The following ZBTB46 variants were observed in gnomAD, a reference collection of about 807,000 sequenced individuals.
ZBTB46 encodes zinc finger and BTB domain-containing protein 46.
A neutral mutation model predicts 44.1 loss-of-function variants in ZBTB46; 8 were observed. That is an observed-to-expected ratio of 0.18 (90% CI 0.11 to 0.33). ZBTB46 has a LOEUF of 0.33. Among genes scored for constraint, ZBTB46 ranks in the 10% least tolerant of loss-of-function variants. The pLI is 1.00. For synonymous variants in ZBTB46, 409 were observed against 382.3 expected, an observed-to-expected ratio of 1.07 and a Z score of -0.81; for missense variants, 651 against 847.7, an observed-to-expected ratio of 0.77 and a Z score of 2.88.
At chr20:63,777,108 C>T (rs927460646) in intron 2 of ZBTB46, among the ~76,000 whole-genome samples, 2 of 53,326 alleles carry the variant, frequency 3.8e-5, no homozygotes, top group Non-Finnish European at 9.2e-5. Flanking sequence ...CCAGCACACG[C>T]CACGGTTCCA....
intron 3 of ZBTB46, among the ~76,000 whole-genome samples, chr20:63,758,945 A>G (rs985978865): frequency 6.6e-6 from 1 of 152,066 alleles, no homozygotes; most frequent in Non-Finnish European, 1.5e-5. Context: ...GTTAGCCAGG[A>G]TGGTCTCAAA....
rs936684133 is a variant in ZBTB46 at position 63,787,348 on chromosome 20, G to A, written c.937+2473C>T. Among the ~76,000 whole-genome samples the A allele has an allele frequency of 2.0e-5, 3 of 152,182 alleles. No homozygotes were observed. The highest frequency in any genetic ancestry group is 4.4e-5 in the Non-Finnish European group (3 of 68,026). On this transcript the variant is annotated intron_variant, in intron 2 of 4. Transcript: ENST00000245663. This position sits in a 1 kb window ranked among gnomAD's most constrained non-coding sequence, Gnocchi z 4.6. The stretch of plus-strand genomic sequence containing the variant: ...AAAAAATCAGTTTAGTGTAGGCCAC[G>A]CCAAGTGTTTATAAAGTCTGCAGCA...
rs369078414 is a variant in ZBTB46 at position 63,790,169 on chromosome 20, C to T, written c.589G>A (p.Gly197Arg). The change falls in exon 2 of 5, where the codon GGG (glycine) becomes AGG (arginine). Residue 197 changes from glycine to arginine, a missense_variant. By Grantham distance (125) the Gly-to-Arg change is moderately radical. Around this residue, in one of 5 missense-constraint regions of ZBTB46, gnomAD observed 385 missense variants for 423.3 expected, o/e 0.91. Transcript: ENST00000245663. ...GCCTTGGGCTCCTGATCCTCTTTCC[C>T]GTAGCTGCTCCCTCCGTCGTGACAG... The part of the protein sequence containing the change: ...ASCHDGGSSY[G>R]KEDQEPKADG... 9 of 1,613,868 alleles carry T rather than the reference C, an allele frequency of 5.6e-6. No individual in the cohort carries two copies. The highest frequency in any genetic ancestry group is 1.1e-5 in the South Asian group (1 of 91,078).
chr20:63,785,547 C>T (rs773994196), intron 2 of ZBTB46, among the ~76,000 whole-genome samples: 12 of 152,072 alleles, frequency 7.9e-5, no homozygotes, highest in Non-Finnish European at 8.8e-5. Context: ...GTGACAGTGA[C>T]GCTCTGTCTC....
chr20:63,800,568 G>A (rs1165393090), intron 1 of ZBTB46, among the ~76,000 whole-genome samples: 1 of 152,250 alleles, frequency 6.6e-6, no homozygotes, highest in Non-Finnish European at 1.5e-5. Context: ...TGGAGGGAGA[G>A]GCGTGGGCGG....
chr20:63,783,773 A>G (rs951256486), intron 2 of ZBTB46, among the ~76,000 whole-genome samples: 1 of 152,214 alleles, frequency 6.6e-6, no homozygotes, highest in African/African-American at 2.4e-5. Flanking sequence ...ACTACTGACC[A>G]AAGCACATGA....
At chr20:63,756,074 G>A (rs1013347669) in intron 3 of ZBTB46, among the ~76,000 whole-genome samples, 2 of 152,230 alleles carry the variant, frequency 1.3e-5, no homozygotes, top group Non-Finnish European at 2.9e-5. Flanking sequence ...GTGCCGGACT[G>A]GAGGCCTCCC....
chr20:63,774,906 T>C lies in ZBTB46; in HGVS notation c.1222+772A>G, dbSNP rs1364439469. ...TTTTAGTAGAGACGGGGTTTCACCG[T>C]GTTGGCCAAGATGGTCTCGATCTCC... is the stretch of plus-strand genomic sequence containing the variant. On this transcript the variant is annotated intron_variant, in intron 3 of 4. Transcript: ENST00000245663. 2.0e-5 allele frequency among the ~76,000 whole-genome samples: 3 copies of C among 152,000 alleles called. No individual in the cohort carries two copies. In the East Asian group the frequency reaches 5.8e-4, roughly 29 times the overall value.
intron 1 of ZBTB46, among the ~76,000 whole-genome samples, chr20:63,812,523 T>G (rs1351290052): frequency 6.6e-6 from 1 of 152,106 alleles, no homozygotes; most frequent in East Asian, 1.9e-4. Flanking sequence ...GCGCCTATAA[T>G]CCCAGTGCTT....
chr20:63,795,472 C>A (rs986563075), intron 1 of ZBTB46, among the ~76,000 whole-genome samples: 1 of 152,268 alleles, frequency 6.6e-6, no homozygotes, highest in Non-Finnish European at 1.5e-5. Flanking sequence ...TCCTGCCAGG[C>A]AGGCAATGCG....
rs397952569 is a variant in ZBTB46, at chr20:63,820,443, A to AT, written c.-34+10653dup. Among the ~76,000 whole-genome samples, 767 of 144,900 alleles carry AT rather than the reference A, an allele frequency of 5.3e-3. 6 individuals carry two copies. Among genetic ancestry groups the AT allele is most frequent in the African/African-American group, 0.018 (720 of 39,572 alleles). On this transcript the variant is annotated intron_variant, in intron 1 of 4. Coordinates refer to ENST00000245663, the MANE Select transcript of ZBTB46 (RefSeq NM_001369741.1). ...TTTAAGAAGTATATTATATATATAT[A>AT]TTTTTTTTTTGAGACAGAGTTTTGC...
chr20:63,809,527 G>C (rs992657532), intron 1 of ZBTB46, among the ~76,000 whole-genome samples: 1 of 152,164 alleles, frequency 6.6e-6, no homozygotes, highest in Non-Finnish European at 1.5e-5. Context: ...GGAGACAGCA[G>C]GAGCTCCGCG....
At chr20:63,830,372 C>T (rs1052121321) in intron 1 of ZBTB46, among the ~76,000 whole-genome samples, 15 of 151,684 alleles carry the variant, frequency 9.9e-5, no homozygotes, top group African/African-American at 2.4e-5. Flanking sequence ...CGCAGCGGAC[C>T]CCGCTTCCTC....
chr20:63,763,898 G>A (rs767092507), intron 3 of ZBTB46, among the ~76,000 whole-genome samples: 4 of 152,004 alleles, frequency 2.6e-5, no homozygotes, highest in Admixed American at 1.3e-4. Flanking sequence ...AATTATAATT[G>A]TTGCTTTAAA....
chr20:63,825,906 C>T (rs555025382), intron 1 of ZBTB46, among the ~76,000 whole-genome samples: 11 of 152,354 alleles, frequency 7.2e-5, no homozygotes, highest in Middle Eastern at 3.4e-3. Context: ...TCTGTCCATC[C>T]GGCGGGTGAC....
At chr20:63,795,873 G>A (rs1390676191) in intron 1 of ZBTB46, among the ~76,000 whole-genome samples, 1 of 152,240 alleles carries the variant, frequency 6.6e-6, no homozygotes. Context: ...TCTTGGAAGT[G>A]GCGGTGCCCA....
intron 1 of ZBTB46, among the ~76,000 whole-genome samples, chr20:63,823,370 C>T (rs1438636484): frequency 4.0e-5 from 6 of 151,536 alleles, no homozygotes; most frequent in Non-Finnish European, 7.4e-5. Context: ...TGGTGGCACA[C>T]GCCTATAATC....
At chr20:63,829,889 C>G (rs1166620053) in intron 1 of ZBTB46, among the ~76,000 whole-genome samples, 1 of 152,176 alleles carries the variant, frequency 6.6e-6, no homozygotes, top group Non-Finnish European at 1.5e-5. Flanking sequence ...ATGAAAGATT[C>G]TACAATCGAT....
rs956651471 is a variant in ZBTB46 at position 63,803,590 on chromosome 20, G to A, written c.-33-12800C>T. ...GCCCCGGGCTGCCCAGGTCTCTGTC[G>A]GAGGCCCTGCCAGCCCCGCCCCTCC... On this transcript the variant is annotated intron_variant, in intron 1 of 4. Transcript: ENST00000245663. This position sits in a 1 kb window ranked among gnomAD's most constrained non-coding sequence, Gnocchi z 4.0. The A allele has an allele frequency of 5.3e-6, 5 of 938,904 alleles. No individual in the cohort carries two copies. Among genetic ancestry groups the A allele is most frequent in the African/African-American group, 3.6e-5 (2 of 56,180 alleles). The allele number at this position is 938,904 out of a possible 1,614,324, so 58.2% of individuals were successfully genotyped here.
Sources: gnomAD v4.1 joint callset for allele counts (sites outside exome capture counted in the v4.1 genomes callset) on GRCh38, gnomAD v4.1.1 for gene constraint, gnomAD v4.1.1 regional missense constraint, Gnocchi (gnomAD v3.1) non-coding constraint, MANE v1.5 for transcripts, NCBI Gene and HGNC (gene_info 2026-07-23, HGNC 2026-07-21) for gene names.